The following RAI14 variants were observed in gnomAD, a reference collection of about 807,000 sequenced individuals.
The protein encoded by RAI14 is retinoic acid induced 14, also known as ankycorbin.
In RAI14, 45 loss-of-function variants were observed where a neutral mutation model predicts 115.4. The observed-to-expected ratio is 0.39, with a 90% CI of 0.31 to 0.50. The LOEUF is 0.50. Ranked by LOEUF, RAI14 falls within the 20% of genes least tolerant of loss-of-function variation. The probability of loss-of-function intolerance (pLI) is 0.85; values close to 1 mark genes in which losing one functional copy is unlikely to be tolerated. For missense variants in RAI14, 939 were observed against 1,131.2 expected (o/e 0.83, Z 2.44); for synonymous variants, 371 against 415.4 (o/e 0.89, Z 1.30).
At chr5:34,665,591 G>A (rs1463848520) in intron 1 of RAI14, among the ~76,000 whole-genome samples, 1 of 150,712 alleles carries the variant, frequency 6.6e-6, no homozygotes, top group African/African-American at 2.4e-5. Context: ...ATGGACACTT[G>A]CAAATCTGAT....
In RAI14 at chr5:34,718,126, G is replaced by T. The variant is rs142065068; in HGVS notation, c.36+31171G>T. Among the ~76,000 whole-genome samples, 898 of 152,310 alleles carry T rather than the reference G, an allele frequency of 5.9e-3. 6 individuals carry two copies. The highest frequency in any genetic ancestry group is 0.021 in the African/African-American group (862 of 41,542). ...TTTCCTCAGGACGGAATGCTGGCCA[G>T]TGCCCGATGGGAACAACAGCTAGCA... is the stretch of plus-strand genomic sequence containing the variant. On this transcript the variant is annotated intron_variant, in intron 2 of 17. Coordinates refer to ENST00000265109, the MANE Select transcript of RAI14 (RefSeq NM_015577.3).
intron 12 of RAI14, among the ~76,000 whole-genome samples, chr5:34,818,596 G>A (rs1400716450): frequency 6.6e-6 from 1 of 152,088 alleles, no homozygotes; most frequent in East Asian, 1.9e-4. Context: ...TAATGTTTTA[G>A]AAATTAAACT....
At position 34,727,183 on chromosome 5, in the gene RAI14, A is replaced by C. The variant is rs556977945; in HGVS notation, c.37-30285A>C. 1.4e-4 allele frequency among the ~76,000 whole-genome samples: 22 copies of C among 152,254 alleles called. 1 individual carries two copies. In the South Asian group the frequency reaches 4.6e-3, roughly 32 times the overall value. ...ATTTGAGGAGCTTGTTGGGAATTGG[A>C]GTAAAGGTCACTCTTGTTATGTTTT... On this transcript the variant is annotated intron_variant, in intron 2 of 17. Transcript: ENST00000265109.
intron 3 of RAI14, among the ~76,000 whole-genome samples, chr5:34,769,941 C>A (rs543395922): frequency 6.6e-6 from 1 of 152,240 alleles, no homozygotes; most frequent in Non-Finnish European, 1.5e-5. Context: ...GTTGGCCAGG[C>A]TGGTCTTAAA....
chr5:34,794,472 A>T (rs1421601540), intron 3 of RAI14, among the ~76,000 whole-genome samples: 1 of 152,232 alleles, frequency 6.6e-6, no homozygotes, highest in Non-Finnish European at 1.5e-5. Flanking sequence ...AAATCATTGT[A>T]TGCAAAGTTT....
intron 7 of RAI14, 44 bp from the exon 8 acceptor site, chr5:34,810,968 A>G: frequency 6.2e-7 from 1 of 1,608,720 alleles, no homozygotes; most frequent in South Asian, 1.1e-5. Context: ...CAATTCTGGC[A>G]TTTTGTGCCT....
intron 10 of RAI14, among the ~76,000 whole-genome samples, 188 bp downstream of exon 10, chr5:34,812,396 T>C (rs763972806): frequency 9.9e-5 from 15 of 152,218 alleles, no homozygotes; most frequent in Non-Finnish European, 2.1e-4. Context: ...GCCGGGCCGG[T>C]GGCTCACGCC....
chr5:34,661,631 C>T (rs1367037671), intron 1 of RAI14, among the ~76,000 whole-genome samples: 1 of 152,082 alleles, frequency 6.6e-6, no homozygotes, highest in East Asian at 1.9e-4. Context: ...TTTCTCCCAA[C>T]ATTTTGCCTA....
At position 34,823,939 on chromosome 5, in the gene RAI14, G is replaced by C. The variant is rs1757178216; in HGVS notation, c.2097G>C (p.Leu699=). 5.6e-6 allele frequency: 9 copies of C among 1,614,206 alleles called. No homozygotes were observed. Among genetic ancestry groups the C allele is most frequent in the Non-Finnish European group, 7.6e-6 (9 of 1,180,036 alleles). Residue 699 remains leucine (L), a synonymous_variant, in exon 15 of 18, where the codon CTG becomes CTC. Transcript: ENST00000265109. The surrounding 1 kb of genome is among the most constrained non-coding windows in gnomAD (Gnocchi z 4.5). ...NVSRAKAEDA[L]SEMKSQYSKV... is the part of the protein sequence containing the mutation. The stretch of plus-strand genomic sequence containing the variant: ...CCAGGGCTAAAGCAGAAGATGCACT[G>C]TCTGAAATGAAGTCTCAGTATTCAA...
At chr5:34,692,666 T>C (rs1318449527) in intron 2 of RAI14, among the ~76,000 whole-genome samples, 1 of 151,002 alleles carries the variant, frequency 6.6e-6, no homozygotes, top group African/African-American at 2.4e-5. Context: ...CCCCACTGGG[T>C]GGAGGTAGGA....
chr5:34,661,459 G>A (rs1247306002), intron 1 of RAI14, among the ~76,000 whole-genome samples: 12 of 152,114 alleles, frequency 7.9e-5, no homozygotes, highest in African/African-American at 2.4e-4. Flanking sequence ...GTGGAATTTC[G>A]CCTTTAACAC....
intron 2 of RAI14, among the ~76,000 whole-genome samples, chr5:34,733,852 C>CA (rs1271594729): frequency 1.3e-5 from 2 of 152,212 alleles, no homozygotes; most frequent in African/African-American, 2.4e-5. Context: ...GCTCTGCCTT[C>CA]AGTTGGAACT....
chr5:34,798,223 G>A (rs936937691), intron 4 of RAI14, among the ~76,000 whole-genome samples: 2 of 152,162 alleles, frequency 1.3e-5, no homozygotes, highest in African/African-American at 4.8e-5. Context: ...ATTTTTAGTA[G>A]AGGCGGGGTT....
intron 3 of RAI14, among the ~76,000 whole-genome samples, chr5:34,786,555 T>C (rs1042373105): frequency 1.3e-5 from 2 of 152,114 alleles, no homozygotes; most frequent in Non-Finnish European, 2.9e-5. Context: ...TGTGAAAAGG[T>C]TCCAAGGTGG....
chr5:34,823,299 A>G lies in RAI14; in HGVS notation c.1457A>G (p.Lys486Arg). ...AGCTCTGACCTCAGCCAGAAACTTA[A>G]AGAAACTCAGAGCAAATACGAGGAG... ...ENSSDLSQKL[K>R]ETQSKYEEAM... The change falls in exon 15 of 18, where the codon AAA becomes AGA. Residue 486 changes from lysine to arginine, a missense_variant. By Grantham distance (26) the Lys-to-Arg change is conservative. Transcript: ENST00000265109. This position sits in a 1 kb window ranked among gnomAD's most constrained non-coding sequence, Gnocchi z 4.5. The G allele has an allele frequency of 6.2e-7, 1 of 1,614,024 alleles. No homozygotes were observed. The highest frequency in any genetic ancestry group is 1.7e-5 in the Admixed American group (1 of 60,020).
chr5:34,734,784 C>T (rs1744652234), intron 2 of RAI14, among the ~76,000 whole-genome samples: 1 of 152,040 alleles, frequency 6.6e-6, no homozygotes, highest in South Asian at 2.1e-4. Context: ...GCCTCAGCTC[C>T]CGAGTAGCTG....
chr5:34,820,641 C>T (rs1205872423), intron 13 of RAI14, among the ~76,000 whole-genome samples: 2 of 152,078 alleles, frequency 1.3e-5, no homozygotes, highest in Non-Finnish European at 2.9e-5. Context: ...AAGTTTGGAC[C>T]AGAAATTCAC....
At position 34,761,790 on chromosome 5, in the gene RAI14, G is replaced by A. The variant is rs536106497; in HGVS notation, c.167+4192G>A. On this transcript the variant is annotated intron_variant, in intron 3 of 17. Coordinates refer to ENST00000265109, the MANE Select transcript of RAI14 (RefSeq NM_015577.3). ...TCTTGATTTAGAACCCATTATATTC[G>A]ATTATTTTATTCTATTTATTTAGAG... 4.6e-5 allele frequency among the ~76,000 whole-genome samples: 7 copies of A among 151,998 alleles called. No individual in the cohort carries two copies. The East Asian group carries it at 1.2e-3, about 25-fold the overall frequency.
At chr5:34,770,759 G>A (rs1580198571) in intron 3 of RAI14, among the ~76,000 whole-genome samples, 1 of 152,170 alleles carries the variant, frequency 6.6e-6, no homozygotes, top group South Asian at 2.1e-4. Flanking sequence ...AGGGAGCCAG[G>A]ACACTGCGTG....
Sources: allele counts gnomAD v4.1 joint callset (sites outside exome capture counted in the v4.1 genomes callset), GRCh38; gene constraint gnomAD v4.1.1; non-coding constraint Gnocchi (gnomAD v3.1); transcripts MANE v1.5; gene names NCBI Gene and HGNC (gene_info 2026-07-23, HGNC 2026-07-21).